PCCB: variants seen among roughly 807,000 people sequenced by gnomAD.
PCCB encodes propionyl-CoA carboxylase beta chain, mitochondrial.
A neutral mutation model predicts 60.7 loss-of-function variants in PCCB; 43 were observed. That is an observed-to-expected ratio of 0.71 (90% CI 0.55 to 0.91). The LOEUF is 0.91. Among genes scored for constraint, PCCB ranks in the 40% least tolerant of loss-of-function variants. The pLI is 0.00. For missense variants in PCCB, 766 were observed against 702.8 expected, an observed-to-expected ratio of 1.09 and a Z score of -1.02; for synonymous variants, 276 against 255.9, an observed-to-expected ratio of 1.08 and a Z score of -0.75.
chr3:136,293,891 T>G (rs773124697), intron 7 of PCCB, 27 bp downstream of exon 7: 4 of 1,332,416 alleles, frequency 3.0e-6, no homozygotes, highest in Non-Finnish European at 4.3e-6. Flanking sequence ...ATGACCTTGT[T>G]GTTTTCAAAC....
At chr3:136,313,872 G>T (rs1037803649) in intron 9 of PCCB, among the ~76,000 whole-genome samples, 3 of 152,144 alleles carry the variant, frequency 2.0e-5, no homozygotes, top group Non-Finnish European at 4.4e-5. Context: ...CATTTTGAGG[G>T]TAGTAGCAGC....
intron 5 of PCCB, among the ~76,000 whole-genome samples, chr3:136,265,141 T>C (rs1022684001): frequency 6.6e-6 from 1 of 152,120 alleles, no homozygotes; most frequent in African/African-American, 2.4e-5. Flanking sequence ...TGCAGTGAAC[T>C]GAGATCATGC....
intron 5 of PCCB, among the ~76,000 whole-genome samples, chr3:136,267,305 C>T (rs572613875): frequency 1.3e-5 from 2 of 152,256 alleles, no homozygotes; most frequent in South Asian, 2.1e-4. Context: ...CCTGCCTTAG[C>T]CTACGGAGTA....
At chr3:136,268,494 C>T (rs1259086582) in intron 5 of PCCB, among the ~76,000 whole-genome samples, 1 of 141,814 alleles carries the variant, frequency 7.1e-6, no homozygotes, top group Non-Finnish European at 1.5e-5. Context: ...GATGTAGTCT[C>T]GCTTTGTAGC....
chr3:136,265,214 TG>T (rs1941955019), intron 5 of PCCB, among the ~76,000 whole-genome samples: 3 of 151,972 alleles, frequency 2.0e-5, no homozygotes, highest in African/African-American at 7.2e-5. Context: ...GTAGCTTTAT[TG>T]AGATATAATT....
intron 9 of PCCB, among the ~76,000 whole-genome samples, chr3:136,302,171 C>CATATAAG (rs1560021373): frequency 5.3e-5 from 7 of 133,070 alleles, no homozygotes; most frequent in African/African-American, 7.4e-5. Flanking sequence ...CCCACCCCGG[C>CATATAAG]TCCTGCAAGC....
At chr3:136,324,438 TTTTG>T (rs1374864932) in intron 10 of PCCB, among the ~76,000 whole-genome samples, 1 of 152,216 alleles carries the variant, frequency 6.6e-6, no homozygotes, top group Non-Finnish European at 1.5e-5. Context: ...TGGTCTTTTA[TTTTG>T]TAATAGTGTT....
intron 5 of PCCB, among the ~76,000 whole-genome samples, chr3:136,263,039 C>G (rs558886597): frequency 2.1e-5 from 3 of 145,720 alleles, no homozygotes; most frequent in South Asian, 2.1e-4. Context: ...ACTTCAACCT[C>G]TGCCTCCTGG....
chr3:136,291,448 G>A (rs1933684278), intron 6 of PCCB, among the ~76,000 whole-genome samples: 1 of 152,166 alleles, frequency 6.6e-6, no homozygotes, highest in African/African-American at 2.4e-5. Context: ...AGGAACTATT[G>A]TAAATAGGCC....
Position 136,296,089 on chromosome 3 carries a change from A to G in PCCB, c.764-1863A>G, listed in dbSNP as rs148652984. Among the ~76,000 whole-genome samples the G allele has an allele frequency of 5.5e-3, 831 of 152,296 alleles. 8 individuals carry two copies. Among genetic ancestry groups the G allele is most frequent in the African/African-American group, 0.019 (770 of 41,570 alleles). Reference sequence around the variant, plus strand: ...CTTTTCTTTTTTCTTTTGTGGTAACAGCTTTATTGAGATGTAATTCATATA... The same window carrying G: ...CTTTTCTTTTTTCTTTTGTGGTAACGGCTTTATTGAGATGTAATTCATATA... On this transcript the variant is annotated intron_variant, in intron 7 of 14. Coordinates refer to ENST00000251654, the MANE Select transcript of PCCB (RefSeq NM_000532.5).
intron 10 of PCCB, among the ~76,000 whole-genome samples, chr3:136,323,781 C>T (rs1035531667): frequency 7.0e-6 from 1 of 143,788 alleles, no homozygotes; most frequent in Non-Finnish European, 1.5e-5. Flanking sequence ...AGCAGAACTC[C>T]ATCTCAGAAA....
At chr3:136,284,160 G>A (rs1398961034) in intron 6 of PCCB, among the ~76,000 whole-genome samples, 2 of 152,144 alleles carry the variant, frequency 1.3e-5, no homozygotes, top group East Asian at 1.9e-4. Flanking sequence ...GTACTTCATT[G>A]GTGGGTGATT....
chr3:136,252,318 C>G (rs755098412), intron 1 of PCCB: 1 of 455,568 alleles, frequency 2.2e-6, no homozygotes, highest in South Asian at 1.6e-5. Flanking sequence ...AGTGCAGCAG[C>G]TCACTGCAAC....
At chr3:136,291,214 C>G (rs1221526199) in intron 6 of PCCB, among the ~76,000 whole-genome samples, 1 of 152,020 alleles carries the variant, frequency 6.6e-6, no homozygotes, top group Non-Finnish European at 1.5e-5. Flanking sequence ...CTCAAGTGAT[C>G]CTCCCACCTC....
intron 4 of PCCB, among the ~76,000 whole-genome samples, chr3:136,260,978 C>G (rs543862121): frequency 4.6e-5 from 7 of 152,266 alleles, no homozygotes; most frequent in African/African-American, 1.7e-4. Context: ...ACAGATATTT[C>G]TAATACTGAG....
intron 1 of PCCB, among the ~76,000 whole-genome samples, chr3:136,254,863 A>G (rs1941624707): frequency 6.8e-6 from 1 of 146,456 alleles, no homozygotes; most frequent in Non-Finnish European, 1.5e-5. Flanking sequence ...CTCTGACCTC[A>G]TCTCCTCAAA....
chr3:136,313,143 G>C (rs200412119), intron 9 of PCCB, among the ~76,000 whole-genome samples: 1 of 152,130 alleles, frequency 6.6e-6, no homozygotes, highest in South Asian at 2.1e-4. Context: ...TTGCTGGTAG[G>C]GGACTCTGGT....
intron 7 of PCCB, among the ~76,000 whole-genome samples, chr3:136,297,418 A>T (rs2108201998): frequency 1.3e-5 from 2 of 152,270 alleles, no homozygotes; most frequent in South Asian, 4.1e-4. Flanking sequence ...CTGTGATTTC[A>T]GAGTGCTCTT....
chr3:136,260,607 G>A (rs1941795241), intron 4 of PCCB, 72 bp downstream of exon 4: 2 of 1,281,840 alleles, frequency 1.6e-6, no homozygotes, highest in African/African-American at 1.5e-5. Flanking sequence ...TATCTTTGGG[G>A]TACAAGACAC....
Sources: gnomAD v4.1 joint callset for allele counts (sites outside exome capture counted in the v4.1 genomes callset) on GRCh38, gnomAD v4.1.1 for gene constraint, MANE v1.5 for transcripts, NCBI Gene and HGNC (gene_info 2026-07-23, HGNC 2026-07-21) for gene names.